The following ACTL6B variants were observed in gnomAD, a reference collection of about 807,000 sequenced individuals.
ACTL6B encodes the protein actin like 6B.
Under a neutral mutation model 63.3 loss-of-function variants are expected in ACTL6B, and 48 were observed. That is an observed-to-expected ratio of 0.76 (90% CI 0.60 to 0.96). The LOEUF is 0.96. ACTL6B is among the 50% of genes least tolerant of loss of function. The pLI is 0.00. For missense variants in ACTL6B, 350 were observed against 572.2 expected (o/e 0.61, Z 3.96); for synonymous variants, 230 against 223.8 (o/e 1.03, Z -0.25).
chr7:100,655,818 C>A lies in ACTL6B; in HGVS notation c.87G>T (p.Gly29=). ...GSFSVRAGYA[G]EDCPKADFPT... ...GAAGGCTCACCTTGGGACAGTCCTC[C>A]CCAGCGTACCCAGCGCGGACTGAGA... is the stretch of plus-strand genomic sequence containing the variant. Residue 29 remains glycine, a synonymous_variant, in exon 2 of 14, where the codon GGG becomes GGT. Transcript: ENST00000160382. The surrounding 1 kb of genome is among the most constrained non-coding windows in gnomAD (Gnocchi z 4.4). 1.3e-6 allele frequency: 2 copies of A among 1,572,478 alleles called. No individual in the cohort carries two copies. Among genetic ancestry groups the A allele is most frequent in the East Asian group, 2.4e-5 (1 of 42,202 alleles).
At chr7:100,650,948 T>C (rs192911115) in intron 4 of ACTL6B, among the ~76,000 whole-genome samples, 7 of 152,234 alleles carry the variant, frequency 4.6e-5, no homozygotes, top group Non-Finnish European at 8.8e-5. Context: ...GAAAGACATA[T>C]GTTTTCAGAA....
At chr7:100,644,593 A>G (rs927360238) in intron 13 of ACTL6B, among the ~76,000 whole-genome samples, 2 of 152,020 alleles carry the variant, frequency 1.3e-5, no homozygotes, top group African/African-American at 4.8e-5. Flanking sequence ...GACTACAGGT[A>G]TGCGCCACAT....
intron 4 of ACTL6B, 110 bp from the exon 5 acceptor site, chr7:100,650,245 ATCCAAACACTTG>A: frequency 1.2e-6 from 1 of 845,472 alleles, no homozygotes; most frequent in Non-Finnish European, 1.9e-6. Flanking sequence ...ACACACACAC[ATCCAAACACTTG>A]CACACACATA....
In ACTL6B at chr7:100,648,832, G is replaced by A. The variant is rs757016512; in HGVS notation, c.468-9C>T. 2.2e-5 allele frequency: 36 copies of A among 1,611,966 alleles called. No homozygotes were observed. The highest frequency in any genetic ancestry group is 3.3e-5 in the South Asian group (3 of 90,810). ...ACCGCCCGTTTGCAAAGCTGGCATC[G>A]GATGGGTAAGTCAAAGAGACAGCAG... is the stretch of plus-strand genomic sequence containing the variant. On this transcript the variant is annotated splice_polypyrimidine_tract_variant and intron_variant, in intron 5 of 13. Coordinates refer to ENST00000160382, the MANE Select transcript of ACTL6B (RefSeq NM_016188.5). This position sits in a 1 kb window ranked among gnomAD's most constrained non-coding sequence, Gnocchi z 4.4.
chr7:100,645,828 C>T (rs748652070), intron 13 of ACTL6B, among the ~76,000 whole-genome samples: 4 of 152,134 alleles, frequency 2.6e-5, no homozygotes, highest in Non-Finnish European at 4.4e-5. Flanking sequence ...GACAAGGTTT[C>T]GTCATGTTGG....
rs376954716 is a variant in ACTL6B at position 100,653,190 on chromosome 7, G to A, written c.369+1829C>T. On this transcript the variant is annotated intron_variant, in intron 4 of 13. Coordinates refer to ENST00000160382, the MANE Select transcript of ACTL6B (RefSeq NM_016188.5). ...GGGCTGAGCACAGTGACTCATGCCT[G>A]TAATCCCAGCACTTTGTTAGCTGAA... 3.0e-4 allele frequency among the ~76,000 whole-genome samples: 46 copies of A among 152,114 alleles called. No homozygotes were observed. In the East Asian group the frequency reaches 3.1e-3, roughly 10 times the overall value.
chr7:100,651,437 G>A (rs1803938067), intron 4 of ACTL6B, among the ~76,000 whole-genome samples: 1 of 151,684 alleles, frequency 6.6e-6, no homozygotes, highest in Non-Finnish European at 1.5e-5. Flanking sequence ...TGTAATCCCA[G>A]CTACTTGGGA....
intron 4 of ACTL6B, among the ~76,000 whole-genome samples, chr7:100,650,802 G>C (rs1220538336): frequency 6.6e-6 from 1 of 152,132 alleles, no homozygotes; most frequent in Non-Finnish European, 1.5e-5. Context: ...AAGGTAAAGA[G>C]ATGGAAAATA....
chr7:100,643,395 C>A, intron 13 of ACTL6B, 69 bp from the exon 14 acceptor site: 1 of 1,542,098 alleles, frequency 6.5e-7, no homozygotes, highest in Non-Finnish European at 8.9e-7. Context: ...AGGTGCAGCC[C>A]CTGGGAATCC....
rs1367644362 is a variant in ACTL6B at position 100,648,861 on chromosome 7, C to T, written c.468-38G>A. The T allele has an allele frequency of 6.3e-7, 1 of 1,587,592 alleles. No individual in the cohort carries two copies. The highest frequency in any genetic ancestry group is 2.3e-5 in the East Asian group (1 of 44,012). Reference sequence around the variant, plus strand: ...GGGTAAGTCAAAGAGACAGCAGCAGCAAGTGAGGGGCCTGGGCCCAGATCT... The same window carrying T: ...GGGTAAGTCAAAGAGACAGCAGCAGTAAGTGAGGGGCCTGGGCCCAGATCT... On this transcript the variant is annotated intron_variant, in intron 5 of 13. Transcript: ENST00000160382. This position sits in a 1 kb window ranked among gnomAD's most constrained non-coding sequence, Gnocchi z 4.4.
In ACTL6B at chr7:100,647,171, A is replaced by G. The variant is rs901940947; in HGVS notation, c.821+52T>C. On this transcript the variant is annotated intron_variant, in intron 9 of 13. Transcript: ENST00000160382. The surrounding 1 kb of genome is among the most constrained non-coding windows in gnomAD (Gnocchi z 4.4). Reference sequence around the variant, plus strand: ...CACCAGAGCCCCCCAGCCCACCCCAAGAGTGCCGGTTCTGCCCTCTCTCCC... The same window carrying G: ...CACCAGAGCCCCCCAGCCCACCCCAGGAGTGCCGGTTCTGCCCTCTCTCCC... 2 of 1,516,316 alleles carry G rather than the reference A, an allele frequency of 1.3e-6. No homozygotes were observed. Among genetic ancestry groups the G allele is most frequent in the East Asian group, 2.3e-5 (1 of 44,118 alleles). The allele number at this position is 1,516,316 out of a possible 1,614,324, so 93.9% of individuals were successfully genotyped here. A position where few individuals can be genotyped will look rare whatever the true frequency, so the allele number is the denominator to read the frequency against.
Position 100,655,469 on chromosome 7 carries a change from C to G in ACTL6B, c.220G>C (p.Val74Leu). 1 of 1,614,196 alleles carries G rather than the reference C, an allele frequency of 6.2e-7. No homozygotes were observed. Among genetic ancestry groups the G allele is most frequent in the Non-Finnish European group, 8.5e-7 (1 of 1,180,032 alleles). ...IFHIDTNALH[V>L]PRDGAEVMSP... ...ATGACCTCCGCTCCATCCCGAGGCA[C>G]GTGCAGGGCATTGGTGTCGATGTGG... Residue 74 changes from valine (V) to leucine (L), a missense_variant, in exon 3 of 14, where the codon GTG (valine) becomes CTG (leucine). Val to Leu is a conservative substitution (Grantham distance 32). Coordinates refer to ENST00000160382, the MANE Select transcript of ACTL6B (RefSeq NM_016188.5). This position sits in a 1 kb window ranked among gnomAD's most constrained non-coding sequence, Gnocchi z 4.4.
rs746242778 is a variant in ACTL6B, at chr7:100,643,178, G to A, written c.*68C>T. The stretch of plus-strand genomic sequence containing the variant: ...GGACAAGAGGGAAAGGAGGAGGGGG[G>A]CAATGTGGCATGGGGGTTAAGGGAC... On this transcript the variant is annotated 3_prime_UTR_variant, in exon 14 of 14. Coordinates refer to ENST00000160382, the MANE Select transcript of ACTL6B (RefSeq NM_016188.5). The A allele has an allele frequency of 4.4e-6, 6 of 1,372,384 alleles. No homozygotes were observed. The highest frequency in any genetic ancestry group is 6.2e-6 in the Non-Finnish European group (6 of 962,826). The allele number at this position is 1,372,384 out of a possible 1,614,324, so 85.0% of individuals were successfully genotyped here. A position where few individuals can be genotyped will look rare whatever the true frequency, so the allele number is the denominator to read the frequency against.
rs1319515293 is a variant in ACTL6B, at chr7:100,648,702, C to T, written c.562+27G>A. Reference sequence around the variant, plus strand: ...CTGTCAGGACCTGGTCCTCCTGGAGCACCCCCACCCCCTGCCGAAGCCCCA... The same window carrying T: ...CTGTCAGGACCTGGTCCTCCTGGAGTACCCCCACCCCCTGCCGAAGCCCCA... On this transcript the variant is annotated intron_variant, in intron 6 of 13. Transcript: ENST00000160382. This position sits in a 1 kb window ranked among gnomAD's most constrained non-coding sequence, Gnocchi z 4.4. The T allele has an allele frequency of 6.2e-7, 1 of 1,613,336 alleles. No individual in the cohort carries two copies. Among genetic ancestry groups the T allele is most frequent in the Admixed American group, 1.7e-5 (1 of 59,874 alleles).
intron 4 of ACTL6B, among the ~76,000 whole-genome samples, chr7:100,651,543 T>C (rs954374700): frequency 7.3e-5 from 11 of 151,122 alleles, no homozygotes; most frequent in African/African-American, 2.7e-4. Flanking sequence ...AGAGTGACAC[T>C]TCATCTCAAA....
rs1209628819 is a variant in ACTL6B at position 100,647,960 on chromosome 7, C to CTTT, written c.670-430_670-428dup. On this transcript the variant is annotated intron_variant, in intron 7 of 13. Transcript: ENST00000160382. The surrounding 1 kb of genome is among the most constrained non-coding windows in gnomAD (Gnocchi z 4.4). The stretch of plus-strand genomic sequence containing the variant: ...ATATCATGCTGTTGGTCACACAGCT[C>CTTT]TTTTTTTTTTTTTTTTTCAGATGGA... Among the ~76,000 whole-genome samples, 4 of 134,150 alleles carry CTTT rather than the reference C, an allele frequency of 3.0e-5. No homozygotes were observed. 88.0% of individuals were successfully genotyped at this position (134,150 alleles called of 152,430 possible).
At chr7:100,656,154 C>A (rs1207087744) in intron 1 of ACTL6B, among the ~76,000 whole-genome samples, 176 bp downstream of exon 1, 1 of 152,200 alleles carries the variant, frequency 6.6e-6, no homozygotes, top group East Asian at 1.9e-4. Context: ...AAGGTAGGGC[C>A]CTGTGCGCGC....
Position 100,646,764 on chromosome 7 carries a change from A to G in ACTL6B, c.1004T>C (p.Ile335Thr), listed in dbSNP as rs1230973901. 2.7e-5 allele frequency: 43 copies of G among 1,613,558 alleles called. No individual in the cohort carries two copies. Among genetic ancestry groups the G allele is most frequent in the Non-Finnish European group, 3.3e-5 (39 of 1,179,994 alleles). Reference protein sequence around the residue: ...VVTTSIGMCDIDIRPGLYGSV... With the variant: ...VVTTSIGMCDTDIRPGLYGSV... Reference sequence around the variant, plus strand: ...GCCTGGCCTCACCGGGCGAATATCAATGTCACACATGCCGATGCTGGTGGT... The same window carrying G: ...GCCTGGCCTCACCGGGCGAATATCAGTGTCACACATGCCGATGCTGGTGGT... Residue 335 changes from isoleucine to threonine, a missense_variant, in exon 11 of 14, where the codon ATT (isoleucine) becomes ACT (threonine). Around this residue, in one of 3 missense-constraint regions of ACTL6B, gnomAD observed 76 missense variants for 126.1 expected, o/e 0.60. Coordinates refer to ENST00000160382, the MANE Select transcript of ACTL6B (RefSeq NM_016188.5). This position sits in a 1 kb window ranked among gnomAD's most constrained non-coding sequence, Gnocchi z 6.1.
chr7:100,648,531 A>G lies in ACTL6B; in HGVS notation c.669+25T>C. On this transcript the variant is annotated intron_variant, in intron 7 of 13. Coordinates refer to ENST00000160382, the MANE Select transcript of ACTL6B (RefSeq NM_016188.5). The surrounding 1 kb of genome is among the most constrained non-coding windows in gnomAD (Gnocchi z 4.4). ...GGCGAGTGGCCAGGACTCTAGTGGCAGCTCCATGTCCCCAGAGGCCCCACC... is the reference window on the plus strand; with the variant it reads ...GGCGAGTGGCCAGGACTCTAGTGGCGGCTCCATGTCCCCAGAGGCCCCACC... The G allele has an allele frequency of 2.6e-6, 4 of 1,560,556 alleles. No individual in the cohort carries two copies. The highest frequency in any genetic ancestry group is 3.5e-6 in the Non-Finnish European group (4 of 1,151,518).
Sources: allele counts gnomAD v4.1 joint callset (sites outside exome capture counted in the v4.1 genomes callset), GRCh38; gene constraint gnomAD v4.1.1; regional missense constraint gnomAD v4.1.1; non-coding constraint Gnocchi (gnomAD v3.1); transcripts MANE v1.5; gene names NCBI Gene and HGNC (gene_info 2026-07-23, HGNC 2026-07-21).